Variants in COP1 observed in about 807,000 individuals in gnomAD.
The protein encoded by COP1 is E3 ubiquitin-protein ligase COP1.
COP1 carries 24 observed loss-of-function variants against 101.3 expected under a neutral mutation model. The ratio of observed to expected loss-of-function variants is 0.24; its 90% CI spans 0.17 to 0.33. COP1 has a LOEUF of 0.33. Among genes scored for constraint, COP1 ranks in the 10% least tolerant of loss-of-function variants. COP1 has a pLI of 1.00. For missense variants in COP1, 663 were observed against 906.2 expected, an observed-to-expected ratio of 0.73 and a Z score of 3.45; for synonymous variants, 347 against 341.9, an observed-to-expected ratio of 1.01 and a Z score of -0.17.
chr1:176,162,751 G>T, intron 5 of COP1, 118 bp downstream of exon 5: 1 of 787,112 alleles, frequency 1.3e-6, no homozygotes, highest in African/African-American at 1.8e-5. Flanking sequence ...GCTGTTTCTA[G>T]CTGAGTAAAA....
chr1:176,045,970 A>G (rs1426737640), intron 12 of COP1, among the ~76,000 whole-genome samples: 1 of 148,796 alleles, frequency 6.7e-6, no homozygotes, highest in Non-Finnish European at 1.5e-5. Context: ...GGCAACCAGA[A>G]AAAAAAAAAA....
chr1:176,020,117 C>A (rs1374813764), intron 15 of COP1, among the ~76,000 whole-genome samples: 3 of 151,548 alleles, frequency 2.0e-5, no homozygotes, highest in Non-Finnish European at 2.9e-5. Context: ...TCAAGACCAG[C>A]CTGGCCAACA....
intron 2 of COP1, among the ~76,000 whole-genome samples, chr1:176,177,641 T>C (rs1697150965): frequency 6.6e-6 from 1 of 152,250 alleles, no homozygotes; most frequent in Admixed American, 6.5e-5. Flanking sequence ...ATTACAAAGG[T>C]GATCTGTAAA....
chr1:176,041,331 C>G (rs1305296874), intron 14 of COP1, among the ~76,000 whole-genome samples: 1 of 115,694 alleles, frequency 8.6e-6, no homozygotes. Context: ...AATTTCTCTA[C>G]TTGGATTTTT....
chr1:176,042,825 T>C (rs1001176869), intron 14 of COP1, among the ~76,000 whole-genome samples: 1 of 151,356 alleles, frequency 6.6e-6, no homozygotes. Flanking sequence ...GGTCAGGAGT[T>C]TGATACCAGT....
At chr1:176,036,188 C>T (rs912641893) in intron 14 of COP1, among the ~76,000 whole-genome samples, 1 of 151,418 alleles carries the variant, frequency 6.6e-6, no homozygotes, top group African/African-American at 2.4e-5. Context: ...ATGTATATAA[C>T]AAAAAATGTT....
Position 176,144,958 on chromosome 1 carries a change from A to G in COP1, c.831+4048T>C, listed in dbSNP as rs146413203. 2.6e-3 allele frequency among the ~76,000 whole-genome samples: 396 copies of G among 152,262 alleles called. 3 individuals are homozygous for G. The highest frequency in any genetic ancestry group is 9.1e-3 in the African/African-American group (378 of 41,560). On this transcript the variant is annotated intron_variant, in intron 6 of 19. Transcript: ENST00000367669. ...ATGTCTTCATGACCACAGGTGGAAA[A>G]GACTTCTTTAAGTGACACAAAACAC...
At chr1:176,143,545 T>C (rs949933164) in intron 6 of COP1, among the ~76,000 whole-genome samples, 3 of 152,066 alleles carry the variant, frequency 2.0e-5, no homozygotes, top group Non-Finnish European at 2.9e-5. Context: ...GGACAAGATA[T>C]GTGTAAGAAA....
chr1:175,970,464 G>C (rs1004548672), intron 18 of COP1, among the ~76,000 whole-genome samples: 1 of 152,136 alleles, frequency 6.6e-6, no homozygotes, highest in East Asian at 1.9e-4. Context: ...CATTATATTA[G>C]ATTATTGAAA....
intron 9 of COP1, among the ~76,000 whole-genome samples, chr1:176,107,229 A>AT (rs1469135360): frequency 6.6e-6 from 1 of 152,156 alleles, no homozygotes; most frequent in Non-Finnish European, 1.5e-5. Context: ...ATGAATACAT[A>AT]TATTTCCTAG....
At chr1:175,983,581 C>A (rs147678243) in intron 18 of COP1, among the ~76,000 whole-genome samples, 213 of 152,238 alleles carry the variant, frequency 1.4e-3, no homozygotes, top group African/African-American at 4.8e-3. Flanking sequence ...TGGGGTGCTG[C>A]TGAAAAGATA....
chr1:175,988,455 T>G lies in COP1; in HGVS notation c.1848-43A>C, dbSNP rs781661921. The G allele has an allele frequency of 4.6e-6, 7 of 1,535,554 alleles. No individual in the cohort carries two copies. In the African/African-American group the frequency reaches 9.7e-5, roughly 21 times the overall value. Reference sequence around the variant, plus strand: ...GAGTAAGAACTTACTTAAAATTTCTTGGCACGAAACTCATCACTACTAATT... The same window carrying G: ...GAGTAAGAACTTACTTAAAATTTCTGGGCACGAAACTCATCACTACTAATT... On this transcript the variant is annotated intron_variant, in intron 16 of 19. Coordinates refer to ENST00000367669, the MANE Select transcript of COP1 (RefSeq NM_022457.7).
chr1:176,043,737 G>A lies in COP1; in HGVS notation c.1503C>T (p.Phe501=), dbSNP rs1178331520. Reference sequence around the variant, plus strand: ...GATAGACCTTTGACCTCTGTCCTGTGAATCCATCCCATAAAATAACAGTGC... The same window carrying A: ...GATAGACCTTTGACCTCTGTCCTGTAAATCCATCCCATAAAATAACAGTGC... ...YEGTVILWDG[F]TGQRSKVYQE... Residue 501 remains phenylalanine (F), a synonymous_variant, in exon 13 of 20, where the codon TTC becomes TTT. Coordinates refer to ENST00000367669, the MANE Select transcript of COP1 (RefSeq NM_022457.7). The A allele has an allele frequency of 6.2e-7, 1 of 1,607,038 alleles. No homozygotes were observed. The highest frequency in any genetic ancestry group is 1.1e-5 in the South Asian group (1 of 90,926).
At chr1:175,949,367 A>G (rs900097589) in intron 18 of COP1, among the ~76,000 whole-genome samples, 1 of 151,938 alleles carries the variant, frequency 6.6e-6, no homozygotes, top group Non-Finnish European at 1.5e-5. Context: ...CTGAATGTAG[A>G]AAGTGGTTGG....
intron 14 of COP1, among the ~76,000 whole-genome samples, chr1:176,034,722 A>G (rs2149114828): frequency 6.6e-6 from 1 of 152,348 alleles, no homozygotes; most frequent in Admixed American, 6.5e-5. Context: ...ATGGACACAA[A>G]GCAGAGCAGC....
chr1:175,986,017 T>C (rs888048562), intron 18 of COP1, among the ~76,000 whole-genome samples: 4 of 152,116 alleles, frequency 2.6e-5, no homozygotes, highest in African/African-American at 9.7e-5. Flanking sequence ...ATCAAGATAG[T>C]AACAAGAATT....
At chr1:176,086,755 C>A (rs1050622127) in intron 9 of COP1, among the ~76,000 whole-genome samples, 2 of 152,152 alleles carry the variant, frequency 1.3e-5, no homozygotes, top group Non-Finnish European at 2.9e-5. Flanking sequence ...ACTGGCAAAA[C>A]TACTTTAAAG....
chr1:176,093,662 AC>A (rs1681769007), intron 9 of COP1, among the ~76,000 whole-genome samples: 1 of 152,040 alleles, frequency 6.6e-6, no homozygotes, highest in South Asian at 2.1e-4. Context: ...ACACGGTGAA[AC>A]CCCGTCTCTA....
intron 18 of COP1, among the ~76,000 whole-genome samples, chr1:175,980,243 T>A (rs1655501208): frequency 4.6e-5 from 7 of 151,834 alleles, no homozygotes; most frequent in African/African-American, 1.2e-4. Context: ...CTATGATGTC[T>A]TTTTTTGAGG....
Sources: gnomAD v4.1 joint callset for allele counts (sites outside exome capture counted in the v4.1 genomes callset) on GRCh38, gnomAD v4.1.1 for gene constraint, MANE v1.5 for transcripts, NCBI Gene and HGNC (gene_info 2026-07-23, HGNC 2026-07-21) for gene names.